SDK1: variants seen among roughly 807,000 people sequenced by gnomAD.
The protein encoded by SDK1 is protein sidekick-1.
In SDK1, 157 loss-of-function variants were observed where a neutral mutation model predicts 245.5. That is an observed-to-expected ratio of 0.64 (90% CI 0.56 to 0.73). The LOEUF is 0.73. Among genes scored for constraint, SDK1 ranks in the 30% least tolerant of loss-of-function variants. The pLI is 0.00. For missense variants in SDK1, 3,583 were observed against 3,002.3 expected (o/e 1.19, Z -4.52); for synonymous variants, 1,647 against 1,278.5 (o/e 1.29, Z -6.15).
At chr7:3,854,647 A>C (rs1391418331) in intron 5 of SDK1, among the ~76,000 whole-genome samples, 1 of 152,220 alleles carries the variant, frequency 6.6e-6, no homozygotes, top group Non-Finnish European at 1.5e-5. Context: ...TTTGTTCATG[A>C]GAAAACATAG....
chr7:3,633,849 C>G (rs1020255573), intron 2 of SDK1, among the ~76,000 whole-genome samples: 1 of 151,998 alleles, frequency 6.6e-6, no homozygotes, highest in Non-Finnish European at 1.5e-5. Context: ...ACAGAGTGAG[C>G]CACAGTCACT....
intron 1 of SDK1, among the ~76,000 whole-genome samples, chr7:3,576,109 GA>G (rs1303583457): frequency 6.6e-6 from 1 of 152,112 alleles, no homozygotes; most frequent in Non-Finnish European, 1.5e-5. Context: ...ATTGTAATTA[GA>G]AAAAGCAACA....
At chr7:3,506,361 C>A (rs190244936) in intron 1 of SDK1, among the ~76,000 whole-genome samples, 1 of 152,124 alleles carries the variant, frequency 6.6e-6, no homozygotes, top group Non-Finnish European at 1.5e-5. Flanking sequence ...CTTACCTATT[C>A]CCTGTGTAAG....
chr7:3,655,494 T>TGTATGTATGC (rs1368456732), intron 4 of SDK1, among the ~76,000 whole-genome samples: 48 of 72,462 alleles, frequency 6.6e-4, no homozygotes, highest in African/African-American at 1.7e-3. Flanking sequence ...TATATATATA[T>TGTATGTATGC]ATATATATAT....
chr7:4,257,203 A>T (rs1196760974), intron 44 of SDK1, among the ~76,000 whole-genome samples: 1 of 152,180 alleles, frequency 6.6e-6, no homozygotes, highest in Non-Finnish European at 1.5e-5. Context: ...ATAATATTTG[A>T]GTCTTTCATC....
At chr7:3,687,167 C>G (rs1160732218) in intron 4 of SDK1, among the ~76,000 whole-genome samples, 1 of 124,942 alleles carries the variant, frequency 8.0e-6, no homozygotes, top group African/African-American at 2.9e-5. Context: ...AAAGTCTGTA[C>G]ACAAATGTTC....
intron 1 of SDK1, among the ~76,000 whole-genome samples, chr7:3,538,510 G>A (rs1297630659): frequency 6.6e-6 from 1 of 152,104 alleles, no homozygotes; most frequent in East Asian, 1.9e-4. Flanking sequence ...TCCAACACTT[G>A]CCTGTTTCCC....
intron 22 of SDK1, among the ~76,000 whole-genome samples, chr7:4,082,333 C>T (rs1382831661): frequency 6.6e-6 from 1 of 151,916 alleles, no homozygotes; most frequent in African/African-American, 2.4e-5. Context: ...GTTGGGAGTT[C>T]GAGGCCAGCC....
chr7:3,859,844 C>G (rs1780645859), intron 5 of SDK1, among the ~76,000 whole-genome samples: 1 of 151,446 alleles, frequency 6.6e-6, no homozygotes, highest in South Asian at 2.1e-4. Context: ...CAAAACTGTA[C>G]ATCCTTAGAA....
chr7:3,566,815 C>T (rs1183424585), intron 1 of SDK1, among the ~76,000 whole-genome samples: 3 of 151,206 alleles, frequency 2.0e-5, no homozygotes, highest in Non-Finnish European at 2.9e-5. Flanking sequence ...GGCTAACCAG[C>T]ATAGGAAGAA....
chr7:3,743,996 G>C (rs1489827064), intron 4 of SDK1, among the ~76,000 whole-genome samples: 2 of 152,152 alleles, frequency 1.3e-5, no homozygotes, highest in Non-Finnish European at 2.9e-5. Context: ...TCAACAGCTT[G>C]ACTCACAGAT....
At chr7:4,166,095 G>A (rs1049205671) in intron 32 of SDK1, among the ~76,000 whole-genome samples, 1 of 152,216 alleles carries the variant, frequency 6.6e-6, no homozygotes, top group Admixed American at 6.5e-5. Flanking sequence ...CCTGTAAGTG[G>A]GTTTTGAGAC....
At chr7:4,020,853 C>T (rs533650589) in intron 17 of SDK1, among the ~76,000 whole-genome samples, 1 of 152,202 alleles carries the variant, frequency 6.6e-6, no homozygotes, top group Admixed American at 6.5e-5. Flanking sequence ...CCTGTCCTGA[C>T]TCAAAGGGCA....
chr7:4,072,255 C>G (rs567490666), intron 20 of SDK1, among the ~76,000 whole-genome samples: 1 of 152,312 alleles, frequency 6.6e-6, no homozygotes, highest in South Asian at 2.1e-4. Context: ...CTGTCAGGGG[C>G]AGCAAAGTTG....
intron 1 of SDK1, among the ~76,000 whole-genome samples, chr7:3,330,016 G>A (rs532065274): frequency 6.6e-6 from 1 of 152,308 alleles, no homozygotes; most frequent in African/African-American, 2.4e-5. Flanking sequence ...TGGATACCAA[G>A]TAGATGTCTA....
At chr7:4,138,177 C>A (rs572630502) in intron 28 of SDK1, among the ~76,000 whole-genome samples, 1 of 152,156 alleles carries the variant, frequency 6.6e-6, no homozygotes, top group African/African-American at 2.4e-5. Flanking sequence ...GCAGGGATGC[C>A]GTCGTGCTTT....
At chr7:4,042,960 T>C (rs952110980) in intron 17 of SDK1, among the ~76,000 whole-genome samples, 1 of 152,230 alleles carries the variant, frequency 6.6e-6, no homozygotes, top group African/African-American at 2.4e-5. Flanking sequence ...AAAAGCAAGG[T>C]TGGCGATTTT....
At chr7:4,142,674 G>T (rs535750753) in intron 28 of SDK1, among the ~76,000 whole-genome samples, 1 of 152,232 alleles carries the variant, frequency 6.6e-6, no homozygotes, top group South Asian at 2.1e-4. Context: ...TGTTGGCCAG[G>T]CTGGTCTCAA....
At chr7:3,315,889 C>G (rs1387022862) in intron 1 of SDK1, among the ~76,000 whole-genome samples, 1 of 152,002 alleles carries the variant, frequency 6.6e-6, no homozygotes, top group Non-Finnish European at 1.5e-5. Flanking sequence ...TTTTGTTCAT[C>G]TGTTGGAAAA....
Sources: gnomAD v4.1 joint callset for allele counts (sites outside exome capture counted in the v4.1 genomes callset) on GRCh38, gnomAD v4.1.1 for gene constraint, MANE v1.5 for transcripts, NCBI Gene and HGNC (gene_info 2026-07-23, HGNC 2026-07-21) for gene names.